Variants in HS6ST2 observed in about 807,000 individuals in gnomAD.
HS6ST2 encodes the protein heparan sulfate 6-O-sulfotransferase 2.
Under a neutral mutation model 33.0 loss-of-function variants are expected in HS6ST2, and 17 were observed. That is an observed-to-expected ratio of 0.52 (90% confidence interval 0.35 to 0.77). The LOEUF is 0.77. Ranked by LOEUF, HS6ST2 falls within the 30% of genes least tolerant of loss-of-function variation. The pLI is 0.01. For missense variants in HS6ST2, 519 were observed against 551.7 expected, an observed-to-expected ratio of 0.94 and a Z score of 0.59; for synonymous variants, 248 against 237.1, an observed-to-expected ratio of 1.05 and a Z score of -0.42.
At chrX:132,750,724 T>C (rs924230472) in intron 2 of HS6ST2, among the ~76,000 whole-genome samples, 2 of 112,160 alleles carry the variant, frequency 1.8e-5, no homozygotes, top group Non-Finnish European at 3.8e-5. Flanking sequence ...AATTCCCCTG[T>C]CTCTAAATCC....
At chrX:132,716,922 G>A (rs1451217511) in intron 2 of HS6ST2, among the ~76,000 whole-genome samples, 1 of 112,288 alleles carries the variant, frequency 8.9e-6, no homozygotes, top group Non-Finnish European at 1.9e-5. Context: ...GCAAGGGGCT[G>A]CTACTCTATG....
intron 2 of HS6ST2, among the ~76,000 whole-genome samples, chrX:132,746,684 T>C (rs1422720356): frequency 8.9e-6 from 1 of 111,829 alleles, no homozygotes; most frequent in Non-Finnish European, 1.9e-5. Flanking sequence ...AATTCAGCCA[T>C]GGCCTTTCAG....
intron 4 of HS6ST2, among the ~76,000 whole-genome samples, chrX:132,655,226 G>A (rs2063722260): frequency 8.9e-6 from 1 of 111,861 alleles, no homozygotes; most frequent in Admixed American, 9.5e-5. Context: ...CAAATGAATG[G>A]CACATCTTAG....
chrX:132,927,488 C>A (rs1482336933), intron 2 of HS6ST2, among the ~76,000 whole-genome samples: 2 of 111,942 alleles, frequency 1.8e-5, no homozygotes, highest in Admixed American at 1.9e-4. Flanking sequence ...TGGTTTCTAT[C>A]AAATTCTGAG....
intron 2 of HS6ST2, among the ~76,000 whole-genome samples, chrX:132,884,874 C>A (rs1436107322): frequency 9.0e-6 from 1 of 111,209 alleles, no homozygotes; most frequent in Non-Finnish European, 1.9e-5. Flanking sequence ...CAAGGTCCTG[C>A]AAGTGGTGAT....
intron 2 of HS6ST2, among the ~76,000 whole-genome samples, chrX:132,894,256 C>G (rs895825766): frequency 5.7e-5 from 5 of 88,092 alleles, no homozygotes; most frequent in Non-Finnish European, 1.1e-4. Context: ...ATTCTTGTAC[C>G]TCAGCCTCCT....
intron 4 of HS6ST2, among the ~76,000 whole-genome samples, chrX:132,630,821 C>T (rs746375275): frequency 9.1e-6 from 1 of 110,150 alleles, no homozygotes; most frequent in African/African-American, 3.3e-5. Context: ...TGTGCGCTCC[C>T]GTAATCCTAG....
In HS6ST2 at chrX:132,899,398, G is replaced by A. The variant is rs35239612; in HGVS notation, c.947+57410C>T. 9.8e-3 allele frequency among the ~76,000 whole-genome samples: 1,093 copies of A among 111,461 alleles called. 23 individuals carry two copies. The East Asian group carries it at 0.099, about 10-fold the overall frequency. ...ATATATATGCTCCCATTTAATAGGG[G>A]AGCTAGAGGAAAGACTGGGCATGTT... On this transcript the variant is annotated intron_variant, in intron 2 of 4. Coordinates refer to ENST00000370833, the MANE Select transcript of HS6ST2 (RefSeq NM_001394073.1).
chrX:132,890,825 A>G (rs1177326891), intron 2 of HS6ST2, among the ~76,000 whole-genome samples: 2 of 110,828 alleles, frequency 1.8e-5, no homozygotes, highest in Non-Finnish European at 3.8e-5. Flanking sequence ...GAAATTAGGG[A>G]GTACTTCTGC....
rs1263217833 is a variant in HS6ST2 at position 132,956,798 on chromosome X, G to A, written c.947+10C>T. 1 of 1,152,713 alleles carries A rather than the reference G, an allele frequency of 8.7e-7. No individual in the cohort carries two copies. The highest frequency in any genetic ancestry group is 2.0e-5 in the South Asian group (1 of 51,156). 95.0% of individuals were successfully genotyped at this position (1,152,713 alleles called of 1,213,427 possible). A position where few individuals can be genotyped will look rare whatever the true frequency, so the allele number is the denominator to read the frequency against. On this transcript the variant is annotated intron_variant, in intron 2 of 4. Transcript: ENST00000370833. Reference sequence around the variant, plus strand: ...GCCCGGGTCCCGCTCGACTACCGGCGCGCACTCACCTGGACGGTCTCAGCC... The same window carrying A: ...GCCCGGGTCCCGCTCGACTACCGGCACGCACTCACCTGGACGGTCTCAGCC...
Position 132,748,923 on chromosome X carries a change from C to T in HS6ST2, c.948-40429G>A, listed in dbSNP as rs748669700. On this transcript the variant is annotated intron_variant, in intron 2 of 4. Transcript: ENST00000370833. ...GGGTTACAAGCGTGGGCCACTGTTC[C>T]CAGCCTCAGACACTCTTGATTTCAT... is the stretch of plus-strand genomic sequence containing the variant. 8.9e-5 allele frequency among the ~76,000 whole-genome samples: 10 copies of T among 111,784 alleles called. No individual in the cohort carries two copies. The South Asian group carries it at 3.8e-3, about 43-fold the overall frequency.
intron 3 of HS6ST2, among the ~76,000 whole-genome samples, chrX:132,693,056 G>A (rs1473467321): frequency 2.7e-5 from 3 of 111,787 alleles, no homozygotes; most frequent in Non-Finnish European, 5.6e-5. Context: ...CTCCACTCCC[G>A]GTAGAAATAG....
chrX:132,697,339 T>C (rs1320519087), intron 3 of HS6ST2, among the ~76,000 whole-genome samples: 1 of 111,765 alleles, frequency 8.9e-6, no homozygotes, highest in Non-Finnish European at 1.9e-5. Context: ...TCAGATTTGC[T>C]ACTAGAAATG....
intron 2 of HS6ST2, among the ~76,000 whole-genome samples, chrX:132,717,666 C>T (rs980494316): frequency 8.9e-6 from 1 of 112,218 alleles, no homozygotes; most frequent in Non-Finnish European, 1.9e-5. Context: ...GTCACTGTGG[C>T]AAATCCACAC....
At chrX:132,773,107 AT>A (rs1156523112) in intron 2 of HS6ST2, among the ~76,000 whole-genome samples, 2 of 97,534 alleles carry the variant, frequency 2.1e-5, no homozygotes, top group Non-Finnish European at 4.0e-5. Context: ...TAGATTATAA[AT>A]ATATAATATT....
At chrX:132,914,858 AG>A (rs1280931348) in intron 2 of HS6ST2, among the ~76,000 whole-genome samples, 4 of 112,916 alleles carry the variant, frequency 3.5e-5, no homozygotes, top group African/African-American at 1.3e-4. Flanking sequence ...TACATTTTTA[AG>A]TATTAAGATT....
chrX:132,663,069 C>T (rs1389573461), intron 4 of HS6ST2, among the ~76,000 whole-genome samples: 1 of 112,007 alleles, frequency 8.9e-6, no homozygotes, highest in African/African-American at 3.2e-5. Flanking sequence ...ACATTTAATC[C>T]TCACCAACAG....
At chrX:132,914,262 T>C (rs2066563550) in intron 2 of HS6ST2, among the ~76,000 whole-genome samples, 2 of 112,291 alleles carry the variant, frequency 1.8e-5, no homozygotes, top group African/African-American at 3.2e-5. Context: ...CTGTATTATA[T>C]CATCATTTTA....
At chrX:132,757,224 G>A (rs1422045433) in intron 2 of HS6ST2, among the ~76,000 whole-genome samples, 1 of 111,822 alleles carries the variant, frequency 8.9e-6, no homozygotes, top group Non-Finnish European at 1.9e-5. Context: ...GCTGAAGGAG[G>A]AAGACATTTA....
Sources: gnomAD v4.1 joint callset for allele counts (sites outside exome capture counted in the v4.1 genomes callset) on GRCh38, gnomAD v4.1.1 for gene constraint, MANE v1.5 for transcripts, NCBI Gene and HGNC (gene_info 2026-07-23, HGNC 2026-07-21) for gene names.